Variants in TTLL11 observed in about 807,000 individuals in gnomAD.
TTLL11 encodes tubulin polyglutamylase TTLL11.
A neutral mutation model predicts 51.7 loss-of-function variants in TTLL11; 42 were observed. The ratio of observed to expected loss-of-function variants is 0.81; its 90% CI spans 0.64 to 1.05. TTLL11 has a LOEUF of 1.05. Among genes scored for constraint, TTLL11 ranks in the 50% least tolerant of loss-of-function variants. The probability of loss-of-function intolerance (pLI) is 0.00; values close to 1 mark genes in which losing one functional copy is unlikely to be tolerated. For missense variants in TTLL11, 799 were observed against 940.4 expected (o/e 0.85, Z 1.97); for synonymous variants, 381 against 383.5 (o/e 0.99, Z 0.08).
At chr9:122,042,309 TCA>T (rs1844868823) in intron 1 of TTLL11, among the ~76,000 whole-genome samples, 1 of 152,230 alleles carries the variant, frequency 6.6e-6, no homozygotes, top group Non-Finnish European at 1.5e-5. Context: ...GCTGGAGGTC[TCA>T]CATTTCCTGA....
intron 1 of TTLL11, among the ~76,000 whole-genome samples, chr9:122,059,960 G>A (rs1845398397): frequency 6.6e-6 from 1 of 152,176 alleles, no homozygotes; most frequent in South Asian, 2.1e-4. Context: ...TTGTCATAGT[G>A]ACCCCCATAG....
intron 1 of TTLL11, among the ~76,000 whole-genome samples, chr9:122,044,250 G>A (rs369636488): frequency 6.6e-6 from 1 of 151,986 alleles, no homozygotes; most frequent in African/African-American, 2.4e-5. Flanking sequence ...TCTTAATCCA[G>A]TCTATCATTG....
At chr9:122,077,655 A>T (rs1330814540) in intron 1 of TTLL11, among the ~76,000 whole-genome samples, 1 of 152,144 alleles carries the variant, frequency 6.6e-6, no homozygotes, top group Non-Finnish European at 1.5e-5. Flanking sequence ...TAACACACAT[A>T]TGTAAAATAT....
chr9:122,047,372 G>A (rs1459395928), intron 1 of TTLL11, among the ~76,000 whole-genome samples: 2 of 152,240 alleles, frequency 1.3e-5, no homozygotes, highest in Non-Finnish European at 2.9e-5. Context: ...TAAAAGCACA[G>A]AGGTAGGACT....
intron 1 of TTLL11, among the ~76,000 whole-genome samples, chr9:122,052,049 G>GA (rs1360732539): frequency 6.6e-6 from 1 of 152,016 alleles, no homozygotes; most frequent in East Asian, 1.9e-4. Context: ...CCTCAATCAA[G>GA]AAAAAAAGCA....
intron 6 of TTLL11, among the ~76,000 whole-genome samples, chr9:121,972,317 T>C (rs946295239): frequency 6.6e-6 from 1 of 152,248 alleles, no homozygotes; most frequent in Non-Finnish European, 1.5e-5. Flanking sequence ...TGAGTTTTAT[T>C]GCAGTAATTC....
At chr9:121,968,915 G>A (rs1313783530) in intron 6 of TTLL11, among the ~76,000 whole-genome samples, 1 of 151,658 alleles carries the variant, frequency 6.6e-6, no homozygotes. Flanking sequence ...TGTCACCCAG[G>A]CTGGAGGGTA....
chr9:121,907,236 G>C (rs1314140586), intron 6 of TTLL11, among the ~76,000 whole-genome samples: 1 of 152,052 alleles, frequency 6.6e-6, no homozygotes, highest in Non-Finnish European at 1.5e-5. Context: ...GATCACCTGA[G>C]GTCAGGGGTT....
In TTLL11 at chr9:121,822,686, G is replaced by C. The variant is rs1290778300; in HGVS notation, c.2034C>G (p.Pro678=). The change falls in exon 9 of 9, where the codon CCC becomes CCG. Residue 678 remains proline, a synonymous_variant. Coordinates refer to ENST00000321582, the MANE Select transcript of TTLL11 (RefSeq NM_001139442.2). The surrounding 1 kb of genome is among the most constrained non-coding windows in gnomAD (Gnocchi z 5.8). ...GCTGGGCCGAGGGGGAGGGCTCCTG[G>C]GGAGGGCCACGGTGTGGGGGCCGGC... is the stretch of plus-strand genomic sequence containing the variant. ...SGGRPPHRGP[P]QEPSPSAQPA... 1 of 1,548,222 alleles carries C rather than the reference G, an allele frequency of 6.5e-7. No homozygotes were observed. The highest frequency in any genetic ancestry group is 8.7e-7 in the Non-Finnish European group (1 of 1,146,172).
intron 2 of TTLL11, among the ~76,000 whole-genome samples, chr9:122,038,678 C>CA (rs1383059800): frequency 6.6e-6 from 1 of 152,010 alleles, no homozygotes; most frequent in Admixed American, 6.6e-5. Context: ...AAATGCAAAA[C>CA]AAAAAAGTTG....
chr9:121,935,044 T>C (rs1841147188), intron 6 of TTLL11, among the ~76,000 whole-genome samples: 1 of 152,058 alleles, frequency 6.6e-6, no homozygotes, highest in African/African-American at 2.4e-5. Context: ...AACCTCCACC[T>C]CCTGGGTTCA....
intron 1 of TTLL11, among the ~76,000 whole-genome samples, chr9:122,084,800 G>A (rs751970901): frequency 7.9e-5 from 12 of 152,166 alleles, no homozygotes; most frequent in African/African-American, 2.2e-4. Context: ...CCAGGGGCAC[G>A]GAGCCACTGC....
intron 4 of TTLL11, among the ~76,000 whole-genome samples, chr9:121,983,437 G>A (rs1198575270): frequency 6.6e-6 from 1 of 152,204 alleles, no homozygotes; most frequent in Non-Finnish European, 1.5e-5. Flanking sequence ...TAGAGCTGGT[G>A]CTTAAGGCCA....
rs555411980 is a variant in TTLL11 at position 121,971,007 on chromosome 9, C to T, written c.1481+3002G>A. 2.0e-3 allele frequency among the ~76,000 whole-genome samples: 291 copies of T among 146,468 alleles called. 2 individuals are homozygous for T. Among genetic ancestry groups the T allele is most frequent in the African/African-American group, 6.9e-3 (276 of 39,952 alleles). On this transcript the variant is annotated intron_variant, in intron 6 of 8. Coordinates refer to ENST00000321582, the MANE Select transcript of TTLL11 (RefSeq NM_001139442.2). The stretch of plus-strand genomic sequence containing the variant: ...AATGTGGCCGGCCAGCCGCCCCATC[C>T]GGGAGGGAGGTGGGGGGGTCAGCCC...
intron 1 of TTLL11, among the ~76,000 whole-genome samples, chr9:122,068,214 A>T (rs1845639206): frequency 6.6e-6 from 1 of 152,236 alleles, no homozygotes; most frequent in South Asian, 2.1e-4. Context: ...ATTATATAAA[A>T]GGAACAGAAT....
intron 6 of TTLL11, among the ~76,000 whole-genome samples, chr9:121,930,343 C>G (rs1840916844): frequency 6.6e-6 from 1 of 152,236 alleles, no homozygotes; most frequent in Non-Finnish European, 1.5e-5. Context: ...CACTTGGCCT[C>G]TATTTGAGCT....
chr9:121,856,246 G>GT (rs1172602420), intron 8 of TTLL11, among the ~76,000 whole-genome samples: 1 of 152,122 alleles, frequency 6.6e-6, no homozygotes, highest in Non-Finnish European at 1.5e-5. Flanking sequence ...GAATTTTTAA[G>GT]TTTTTTAATA....
At chr9:121,944,078 C>T (rs1039148413) in intron 6 of TTLL11, among the ~76,000 whole-genome samples, 10 of 152,204 alleles carry the variant, frequency 6.6e-5, no homozygotes, top group Admixed American at 5.9e-4. Flanking sequence ...GAAGGAAGAA[C>T]AGACTATGAC....
At chr9:121,988,904 C>T in intron 4 of TTLL11, 1 of 561,360 alleles carries the variant, frequency 1.8e-6, no homozygotes, top group Non-Finnish European at 2.9e-6. Context: ...GAATGTAAAA[C>T]TCTGCTTTAC....
Sources: allele counts gnomAD v4.1 joint callset (sites outside exome capture counted in the v4.1 genomes callset), GRCh38; gene constraint gnomAD v4.1.1; non-coding constraint Gnocchi (gnomAD v3.1); transcripts MANE v1.5; gene names NCBI Gene and HGNC (gene_info 2026-07-23, HGNC 2026-07-21).